The following MEI4 variants were observed in gnomAD, a reference collection of about 807,000 sequenced individuals.
The protein encoded by MEI4 is meiosis-specific protein MEI4.
MEI4 carries 27 observed loss-of-function variants against 31.4 expected under a neutral mutation model. The ratio of observed to expected loss-of-function variants is 0.86; its 90% confidence interval spans 0.63 to 1.19. The LOEUF is 1.19. MEI4 is among the 50% of genes most tolerant of loss of function. MEI4 has a pLI of 0.00. For synonymous variants in MEI4, 122 were observed against 145.4 expected, an observed-to-expected ratio of 0.84 and a Z score of 1.16; for missense variants, 329 against 398.9, an observed-to-expected ratio of 0.82 and a Z score of 1.49.
chr6:77,881,260 G>A, intron 4 of MEI4, among the ~76,000 whole-genome samples: 1 of 151,704 alleles, frequency 6.6e-6, no homozygotes, highest in African/African-American at 2.4e-5. Context: ...TTAAATTATG[G>A]GTATCCAACA....
At chr6:77,842,727 C>A (rs1212456108) in intron 4 of MEI4, among the ~76,000 whole-genome samples, 2 of 151,872 alleles carry the variant, frequency 1.3e-5, no homozygotes, top group East Asian at 3.9e-4. Context: ...GTACAACTTG[C>A]CAATGCCTGT....
intron 2 of MEI4, among the ~76,000 whole-genome samples, chr6:77,733,836 C>G (rs1356475127): frequency 1.3e-5 from 2 of 151,896 alleles, no homozygotes; most frequent in Non-Finnish European, 2.9e-5. Context: ...TATGTTTGTT[C>G]TTATTGGTTT....
intron 3 of MEI4, among the ~76,000 whole-genome samples, chr6:77,827,361 A>C (rs1345195723): frequency 4.4e-4 from 7 of 16,056 alleles, no homozygotes; most frequent in African/African-American, 1.5e-3. Flanking sequence ...ACTCCATCTT[A>C]AAAAAAAAAA....
intron 4 of MEI4, among the ~76,000 whole-genome samples, chr6:77,888,530 C>G (rs1771679975): frequency 6.6e-6 from 1 of 152,104 alleles, no homozygotes; most frequent in South Asian, 2.1e-4. Flanking sequence ...AAGAGCTAGT[C>G]TACTGGTGAT....
chr6:77,907,977 C>T (rs1317213510), intron 4 of MEI4, among the ~76,000 whole-genome samples: 13 of 147,236 alleles, frequency 8.8e-5, no homozygotes, highest in Non-Finnish European at 1.3e-4. Context: ...ATATCCTTCA[C>T]GCACTTGTTG....
At chr6:77,852,202 G>T (rs146870992) in intron 4 of MEI4, among the ~76,000 whole-genome samples, 3 of 152,096 alleles carry the variant, frequency 2.0e-5, no homozygotes, top group Non-Finnish European at 2.9e-5. Context: ...GTCATGGGAC[G>T]TGGCAAATGG....
intron 4 of MEI4, among the ~76,000 whole-genome samples, chr6:77,871,528 GAC>G (rs1469128191): frequency 6.6e-6 from 1 of 151,916 alleles, no homozygotes; most frequent in Non-Finnish European, 1.5e-5. Flanking sequence ...GGGAATAACA[GAC>G]ACTGGAGACT....
intron 4 of MEI4, among the ~76,000 whole-genome samples, chr6:77,866,214 T>G (rs1366033371): frequency 6.6e-6 from 1 of 152,052 alleles, no homozygotes; most frequent in Non-Finnish European, 1.5e-5. Flanking sequence ...AACATAGTGT[T>G]GGAAGTTCTG....
intron 4 of MEI4, among the ~76,000 whole-genome samples, chr6:77,863,944 G>T (rs576681977): frequency 2.1e-3 from 321 of 152,254 alleles, no homozygotes; most frequent in African/African-American, 7.0e-3. Context: ...TTAAAGAAAA[G>T]AATTTTGAAC....
At chr6:77,743,410 T>A (rs1767477263) in intron 2 of MEI4, among the ~76,000 whole-genome samples, 1 of 152,166 alleles carries the variant, frequency 6.6e-6, no homozygotes, top group Admixed American at 6.5e-5. Context: ...ACTCATAATT[T>A]GGCTCTCTGT....
chr6:77,781,500 A>G (rs1197243892), intron 3 of MEI4, among the ~76,000 whole-genome samples: 2 of 152,154 alleles, frequency 1.3e-5, no homozygotes, highest in African/African-American at 4.8e-5. Context: ...CTCAAACCCC[A>G]TCTCAGATCT....
intron 2 of MEI4, among the ~76,000 whole-genome samples, chr6:77,759,444 A>G (rs1008955096): frequency 6.6e-6 from 1 of 152,148 alleles, no homozygotes; most frequent in Non-Finnish European, 1.5e-5. Flanking sequence ...TTATGTGACC[A>G]GTTTCTAAAG....
intron 1 of MEI4, among the ~76,000 whole-genome samples, chr6:77,654,912 ATTTTT>A (rs1035559426): frequency 6.6e-6 from 1 of 151,786 alleles, no homozygotes; most frequent in African/African-American, 2.4e-5. Context: ...TTTAGTTTTT[ATTTTT>A]ATTTTTTATT....
intron 3 of MEI4, among the ~76,000 whole-genome samples, chr6:77,793,745 T>C (rs2127697167): frequency 6.6e-6 from 1 of 152,242 alleles, no homozygotes; most frequent in African/African-American, 2.4e-5. Flanking sequence ...AATAAGGTGC[T>C]TTATGCAAGC....
At chr6:77,867,454 A>T (rs1174104313) in intron 4 of MEI4, among the ~76,000 whole-genome samples, 1 of 152,234 alleles carries the variant, frequency 6.6e-6, no homozygotes, top group Admixed American at 6.5e-5. Context: ...TAGCCAAAAG[A>T]TACATGAAAA....
intron 3 of MEI4, among the ~76,000 whole-genome samples, chr6:77,780,535 G>C (rs1362241248): frequency 6.6e-6 from 1 of 152,118 alleles, no homozygotes; most frequent in African/African-American, 2.4e-5. Flanking sequence ...CATGCAGCCT[G>C]GGTCTGCAGG....
At chr6:77,685,392 T>C (rs1769036605) in intron 1 of MEI4, among the ~76,000 whole-genome samples, 1 of 151,848 alleles carries the variant, frequency 6.6e-6, no homozygotes, top group Non-Finnish European at 1.5e-5. Flanking sequence ...TGGTTGCCTG[T>C]GCATATGGGG....
At chr6:77,834,999 A>G (rs936301107) in intron 4 of MEI4, among the ~76,000 whole-genome samples, 15 of 152,096 alleles carry the variant, frequency 9.9e-5, no homozygotes, top group African/African-American at 3.6e-4. Flanking sequence ...AGCTATGCAA[A>G]CTTTCAGGCG....
chr6:77,704,597 C>T (rs1221834764), intron 2 of MEI4, among the ~76,000 whole-genome samples: 3 of 152,152 alleles, frequency 2.0e-5, no homozygotes, highest in African/African-American at 4.8e-5. Context: ...ATTCCTGATT[C>T]TGTTAAGAAT....
Sources: gnomAD v4.1 joint callset for allele counts (sites outside exome capture counted in the v4.1 genomes callset) on GRCh38, gnomAD v4.1.1 for gene constraint, MANE v1.5 for transcripts, NCBI Gene and HGNC (gene_info 2026-07-23, HGNC 2026-07-21) for gene names.